UBE2H: variants seen among roughly 807,000 people sequenced by gnomAD.
UBE2H encodes ubiquitin-conjugating enzyme E2 H.
UBE2H carries 3 observed loss-of-function variants against 29.0 expected under a neutral mutation model. That is an observed-to-expected ratio of 0.10 (90% CI 0.05 to 0.27). UBE2H has a LOEUF of 0.27. Among genes scored for constraint, UBE2H ranks in the 10% least tolerant of loss-of-function variants. The pLI is 1.00. For missense variants in UBE2H, 68 were observed against 228.2 expected (o/e 0.30, Z 4.52); for synonymous variants, 69 against 82.9 (o/e 0.83, Z 0.91).
intron 5 of UBE2H, among the ~76,000 whole-genome samples, chr7:129,852,874 C>T (rs139547871): frequency 0.065 from 9,836 of 152,106 alleles, 339 homozygotes; most frequent in South Asian, 0.13. Context: ...TACAGGTATG[C>T]GCCACCACGC....
intron 1 of UBE2H, among the ~76,000 whole-genome samples, chr7:129,930,107 T>C (rs561696746): frequency 5.3e-5 from 8 of 152,348 alleles, no homozygotes; most frequent in South Asian, 4.1e-4. Flanking sequence ...TCTCTTCCAA[T>C]ATACATTTGT....
Position 129,952,179 on chromosome 7 carries a change from G to T in UBE2H, c.53+324C>A, listed in dbSNP as rs1314762027. ...GAGAAACCCTGAAAATGGGCTCGGT[G>T]GTAGAGAGTGAGGCGACTGGTCGTG... On this transcript the variant is annotated intron_variant, in intron 1 of 6. Coordinates refer to ENST00000355621, the MANE Select transcript of UBE2H (RefSeq NM_003344.4). 3.3e-5 allele frequency among the ~76,000 whole-genome samples: 5 copies of T among 151,910 alleles called. No homozygotes were observed. The East Asian group carries it at 7.7e-4, about 23-fold the overall frequency.
chr7:129,942,294 G>A (rs1470999639), intron 1 of UBE2H, among the ~76,000 whole-genome samples: 1 of 150,734 alleles, frequency 6.6e-6, no homozygotes, highest in Non-Finnish European at 1.5e-5. Context: ...CAGCACTCTG[G>A]GAGGCCAAGG....
chr7:129,892,636 A>G (rs1806520956), intron 1 of UBE2H, among the ~76,000 whole-genome samples: 1 of 152,226 alleles, frequency 6.6e-6, no homozygotes, highest in Non-Finnish European at 1.5e-5. Flanking sequence ...ACCCTTAGGA[A>G]CAAATAAGGA....
chr7:129,881,203 G>C (rs894827108), intron 1 of UBE2H, among the ~76,000 whole-genome samples: 60 of 152,156 alleles, frequency 3.9e-4, no homozygotes, highest in Non-Finnish European at 5.0e-4. Flanking sequence ...GCCATTTACT[G>C]AGTTTTTGAG....
intron 1 of UBE2H, among the ~76,000 whole-genome samples, chr7:129,895,605 A>G (rs1806584840): frequency 6.6e-6 from 1 of 152,206 alleles, no homozygotes; most frequent in African/African-American, 2.4e-5. Flanking sequence ...TATCTATTTA[A>G]AAACATCCTA....
In UBE2H at chr7:129,886,769, A is replaced by T. The variant is rs1022514324; in HGVS notation, c.54-5798T>A. 8.5e-3 allele frequency among the ~76,000 whole-genome samples: 740 copies of T among 86,840 alleles called. 11 individuals are homozygous for T. The highest frequency in any genetic ancestry group is 0.032 in the African/African-American group (693 of 21,562). The allele number at this position is 86,840 out of a possible 152,430, so 57.0% of individuals were successfully genotyped here. Reference sequence around the variant, plus strand: ...CTACCTGGTTTTTTGTTTTTTGGTAAAAAAAAAAAAAAAAAAAAAAAAAAG... The same window carrying T: ...CTACCTGGTTTTTTGTTTTTTGGTATAAAAAAAAAAAAAAAAAAAAAAAAG... On this transcript the variant is annotated intron_variant, in intron 1 of 6. Coordinates refer to ENST00000355621, the MANE Select transcript of UBE2H (RefSeq NM_003344.4).
chr7:129,859,513 A>C (rs1416734583), intron 3 of UBE2H, among the ~76,000 whole-genome samples: 1 of 152,224 alleles, frequency 6.6e-6, no homozygotes, highest in African/African-American at 2.4e-5. Flanking sequence ...AGGGAAACCC[A>C]GTTTTGATTA....
intron 1 of UBE2H, among the ~76,000 whole-genome samples, chr7:129,934,819 C>A (rs1220874214): frequency 1.3e-5 from 2 of 151,418 alleles, no homozygotes; most frequent in African/African-American, 4.8e-5. Flanking sequence ...GTAATCCCAG[C>A]ACTTTGGGAG....
chr7:129,932,069 G>C (rs915331678), intron 1 of UBE2H, among the ~76,000 whole-genome samples: 5 of 149,926 alleles, frequency 3.3e-5, no homozygotes, highest in African/African-American at 1.2e-4. Flanking sequence ...TGATCCGCCT[G>C]CCTCGGCCTC....
intron 1 of UBE2H, among the ~76,000 whole-genome samples, chr7:129,921,917 T>C (rs781497427): frequency 6.6e-6 from 1 of 152,162 alleles, no homozygotes; most frequent in Non-Finnish European, 1.5e-5. Context: ...CATGATATAA[T>C]TGAAGTTACT....
chr7:129,870,632 CA>C (rs1248354382), intron 3 of UBE2H, among the ~76,000 whole-genome samples: 2 of 152,120 alleles, frequency 1.3e-5, no homozygotes, highest in African/African-American at 4.8e-5. Context: ...CAGCCTTGTC[CA>C]AGCCACCAGC....
chr7:129,921,264 C>G (rs987039984), intron 1 of UBE2H, among the ~76,000 whole-genome samples: 2 of 152,130 alleles, frequency 1.3e-5, no homozygotes, highest in South Asian at 2.1e-4. Flanking sequence ...ATGGACTCAT[C>G]TATTTAGAGA....
chr7:129,886,527 G>C (rs1166734796), intron 1 of UBE2H, among the ~76,000 whole-genome samples: 1 of 152,074 alleles, frequency 6.6e-6, no homozygotes, highest in African/African-American at 2.4e-5. Context: ...AGGATTCAGG[G>C]ACCACTGAGT....
chr7:129,922,179 G>T (rs1807176864), intron 1 of UBE2H, among the ~76,000 whole-genome samples: 1 of 151,674 alleles, frequency 6.6e-6, no homozygotes, highest in Admixed American at 6.6e-5. Flanking sequence ...GTAGAGATGG[G>T]TTTCTGCCAT....
At chr7:129,892,857 A>G (rs1023388023) in intron 1 of UBE2H, among the ~76,000 whole-genome samples, 4 of 152,088 alleles carry the variant, frequency 2.6e-5, no homozygotes, top group African/African-American at 7.2e-5. Flanking sequence ...TAAAAAAAAA[A>G]GGGTAAATAT....
At chr7:129,912,617 TGTGTGGA>T (rs1806959772) in intron 1 of UBE2H, among the ~76,000 whole-genome samples, 1 of 152,366 alleles carries the variant, frequency 6.6e-6, no homozygotes, top group Middle Eastern at 3.4e-3. Flanking sequence ...TAAGTATTTA[TGTGTGGA>T]ATTTTCCACT....
chr7:129,860,138 A>C (rs1805773671), intron 3 of UBE2H, among the ~76,000 whole-genome samples: 1 of 152,224 alleles, frequency 6.6e-6, no homozygotes, highest in Admixed American at 6.5e-5. Flanking sequence ...CGCTACAGAG[A>C]TTGTCTCCAA....
At chr7:129,942,799 A>C (rs547857392) in intron 1 of UBE2H, among the ~76,000 whole-genome samples, 37 of 152,278 alleles carry the variant, frequency 2.4e-4, no homozygotes, top group Middle Eastern at 3.4e-3. Flanking sequence ...CAAATATAAA[A>C]ATAAAATTGC....
Sources: gnomAD v4.1 joint callset for allele counts (sites outside exome capture counted in the v4.1 genomes callset) on GRCh38, gnomAD v4.1.1 for gene constraint, MANE v1.5 for transcripts, NCBI Gene and HGNC (gene_info 2026-07-23, HGNC 2026-07-21) for gene names.